Variants in MDGA2 observed in about 807,000 individuals in gnomAD.
The protein encoded by MDGA2 is MAM domain-containing glycosylphosphatidylinositol anchor protein 2.
MDGA2 carries 40 observed loss-of-function variants against 117.8 expected under a neutral mutation model. That is an observed-to-expected ratio of 0.34 (90% CI 0.26 to 0.44). The LOEUF (loss-of-function observed/expected upper bound fraction) is 0.44. Ranked by LOEUF, MDGA2 falls within the 20% of genes least tolerant of loss-of-function variation. The pLI is 1.00. For synonymous variants in MDGA2, 452 were observed against 439.0 expected (o/e 1.03, Z -0.37); for missense variants, 1,123 against 1,250.6 (o/e 0.90, Z 1.54).
chr14:46,953,580 A>C (rs1166808669), intron 9 of MDGA2, among the ~76,000 whole-genome samples: 1 of 151,920 alleles, frequency 6.6e-6, no homozygotes, highest in Non-Finnish European at 1.5e-5. Context: ...GCAACTAGAC[A>C]AAACAAAAAA....
chr14:47,197,040 A>T (rs11624568), intron 3 of MDGA2, among the ~76,000 whole-genome samples: 29,142 of 152,180 alleles, frequency 0.19, 2,890 homozygotes, highest in Middle Eastern at 0.23. Context: ...CTGTATATGT[A>T]CCACATTTTC....
chr14:47,344,606 G>A (rs1890722832), intron 1 of MDGA2, among the ~76,000 whole-genome samples: 1 of 151,956 alleles, frequency 6.6e-6, no homozygotes, highest in Non-Finnish European at 1.5e-5. Context: ...TTGTTTGTTT[G>A]TTTTGATTTT....
At chr14:47,461,420 A>C (rs1294663611) in intron 1 of MDGA2, among the ~76,000 whole-genome samples, 1 of 152,140 alleles carries the variant, frequency 6.6e-6, no homozygotes, top group African/African-American at 2.4e-5. Flanking sequence ...TAAAGCTCTT[A>C]GAACAGAGGG....
At chr14:46,876,506 T>C (rs1419834272) in intron 12 of MDGA2, among the ~76,000 whole-genome samples, 1 of 151,636 alleles carries the variant, frequency 6.6e-6, no homozygotes, top group African/African-American at 2.4e-5. Context: ...TTCACAAAGA[T>C]ATAGAACTGA....
intron 8 of MDGA2, among the ~76,000 whole-genome samples, chr14:47,004,960 T>C (rs1887659571): frequency 6.6e-6 from 1 of 151,708 alleles, no homozygotes; most frequent in Admixed American, 6.6e-5. Context: ...TGATATCTTA[T>C]TCTGCAACCT....
At chr14:46,867,801 T>C (rs1881835214) in intron 14 of MDGA2, among the ~76,000 whole-genome samples, 2 of 152,084 alleles carry the variant, frequency 1.3e-5, no homozygotes, top group Admixed American at 1.3e-4. Flanking sequence ...TGTACTTTTA[T>C]AATATGCATT....
chr14:47,090,163 C>T (rs1014681696), intron 6 of MDGA2, among the ~76,000 whole-genome samples: 1 of 152,036 alleles, frequency 6.6e-6, no homozygotes, highest in Non-Finnish European at 1.5e-5. Context: ...TATTTAAAGA[C>T]TACAGTCCTT....
chr14:47,489,834 T>A (rs1157590124), intron 1 of MDGA2, among the ~76,000 whole-genome samples: 1 of 152,066 alleles, frequency 6.6e-6, no homozygotes, highest in Non-Finnish European at 1.5e-5. Flanking sequence ...TTTTTCCCCA[T>A]GAGTTTCTTT....
intron 1 of MDGA2, among the ~76,000 whole-genome samples, chr14:47,439,471 T>A (rs560115956): frequency 9.8e-5 from 15 of 152,288 alleles, no homozygotes; most frequent in African/African-American, 3.6e-4. Context: ...GTAAAATGAA[T>A]GAATTGCAAT....
chr14:46,873,827 T>A, intron 13 of MDGA2: 1 of 570,416 alleles, frequency 1.8e-6, no homozygotes, highest in Non-Finnish European at 2.8e-6. Context: ...ACTTGAATTA[T>A]CAAAAAATTC....
intron 7 of MDGA2, among the ~76,000 whole-genome samples, chr14:47,056,406 T>C (rs1409317311): frequency 6.6e-6 from 1 of 152,150 alleles, no homozygotes; most frequent in Non-Finnish European, 1.5e-5. Context: ...TGGTCACCAC[T>C]AGGCACCTAT....
chr14:46,918,760 C>CGTTTTTTTT (rs1884000521), intron 10 of MDGA2, among the ~76,000 whole-genome samples: 1 of 124,808 alleles, frequency 8.0e-6, no homozygotes, highest in African/African-American at 3.4e-5. Flanking sequence ...TACAGTGTAT[C>CGTTTTTTTT]TTTTTTTTTT....
chr14:46,983,203 G>A (rs1471371650), intron 8 of MDGA2, among the ~76,000 whole-genome samples: 1 of 152,020 alleles, frequency 6.6e-6, no homozygotes, highest in Non-Finnish European at 1.5e-5. Flanking sequence ...AAATTACATT[G>A]TATTGGTTAA....
chr14:47,135,203 A>G (rs1882393939), intron 4 of MDGA2, among the ~76,000 whole-genome samples: 1 of 152,036 alleles, frequency 6.6e-6, no homozygotes, highest in African/African-American at 2.4e-5. Flanking sequence ...AGCTCCTCGT[A>G]TATAGGCAAT....
At chr14:47,081,504 G>C (rs1890706848) in intron 6 of MDGA2, among the ~76,000 whole-genome samples, 1 of 151,936 alleles carries the variant, frequency 6.6e-6, no homozygotes, top group Admixed American at 6.6e-5. Flanking sequence ...TCCAAGGTCA[G>C]GAAAATTAGG....
At chr14:47,081,027 G>C (rs1160016510) in intron 6 of MDGA2, among the ~76,000 whole-genome samples, 1 of 151,752 alleles carries the variant, frequency 6.6e-6, no homozygotes, top group Non-Finnish European at 1.5e-5. Flanking sequence ...CTTCTTACTC[G>C]TGTCTCTATG....
At chr14:46,852,406 G>C (rs1881094865) in intron 15 of MDGA2, among the ~76,000 whole-genome samples, 2 of 151,624 alleles carry the variant, frequency 1.3e-5, no homozygotes, top group South Asian at 4.2e-4. Flanking sequence ...GGTGAAACCT[G>C]GTAGAAAATC....
In MDGA2 at chr14:46,840,803, C is replaced by T. The variant is rs143632962; in HGVS notation, c.*1128G>A. 6.6e-6 allele frequency: 1 copy of T among 152,600 alleles called. No individual in the cohort carries two copies. The highest frequency in any genetic ancestry group is 2.4e-5 in the African/African-American group (1 of 41,554). The allele number at this position is 152,600 out of a possible 1,614,324, so 9.5% of individuals were successfully genotyped here. ...TAAGTATTCTTAATAACCTTTTGCT[C>T]TGGTTGACCCATTTAATAACCTGGA... is the stretch of plus-strand genomic sequence containing the variant. On this transcript the variant is annotated 3_prime_UTR_variant, in exon 17 of 17. Transcript: ENST00000399232.
At chr14:47,451,973 C>A (rs1396559862) in intron 1 of MDGA2, among the ~76,000 whole-genome samples, 5 of 151,984 alleles carry the variant, frequency 3.3e-5, no homozygotes, top group Non-Finnish European at 7.4e-5. Flanking sequence ...TCTTTGGGTA[C>A]ATTTTGAGGG....
Sources: allele counts gnomAD v4.1 joint callset (sites outside exome capture counted in the v4.1 genomes callset), GRCh38; gene constraint gnomAD v4.1.1; transcripts MANE v1.5; gene names NCBI Gene and HGNC (gene_info 2026-07-23, HGNC 2026-07-21).